HS3ST5: variants seen among roughly 807,000 people sequenced by gnomAD.
The protein encoded by HS3ST5 is heparan sulfate glucosamine 3-O-sulfotransferase 5.
In HS3ST5, 10 loss-of-function variants were observed where a neutral mutation model predicts 25.4. The ratio of observed to expected loss-of-function variants is 0.39; its 90% confidence interval spans 0.24 to 0.67. The LOEUF (loss-of-function observed/expected upper bound fraction) is 0.67. HS3ST5 is among the 30% of genes least tolerant of loss of function. The pLI, the probability that HS3ST5 is intolerant of heterozygous loss-of-function variation, is 0.44. For missense variants in HS3ST5, 324 were observed against 420.7 expected (o/e 0.77, Z 2.01); for synonymous variants, 170 against 162.4 (o/e 1.05, Z -0.36).
At chr6:114,121,287 T>C (rs1252086636) in intron 3 of HS3ST5, among the ~76,000 whole-genome samples, 1 of 152,178 alleles carries the variant, frequency 6.6e-6, no homozygotes, top group Non-Finnish European at 1.5e-5. Context: ...TTCTGTGATA[T>C]TGCTCACTCC....
chr6:114,323,840 C>T (rs1776066213), intron 1 of HS3ST5, among the ~76,000 whole-genome samples: 2 of 152,038 alleles, frequency 1.3e-5, no homozygotes, highest in Admixed American at 6.6e-5. Context: ...CAGGGTGTTT[C>T]GAAGATTCTC....
intron 1 of HS3ST5, among the ~76,000 whole-genome samples, chr6:114,284,323 T>C (rs1417767657): frequency 6.6e-6 from 1 of 152,070 alleles, no homozygotes; most frequent in Non-Finnish European, 1.5e-5. Context: ...ACCAAGAATG[T>C]ATTTTTGTGC....
intron 1 of HS3ST5, among the ~76,000 whole-genome samples, chr6:114,247,078 C>G (rs765252687): frequency 9.2e-5 from 14 of 152,190 alleles, no homozygotes; most frequent in Non-Finnish European, 1.8e-4. Flanking sequence ...TTTTGTAATG[C>G]CACTTAATGT....
chr6:114,137,895 G>T (rs1417333136), intron 3 of HS3ST5, among the ~76,000 whole-genome samples: 1 of 152,124 alleles, frequency 6.6e-6, no homozygotes, highest in Non-Finnish European at 1.5e-5. Context: ...AATTAAAGGA[G>T]TTTTCAGACT....
At chr6:114,300,861 C>T (rs1775043870) in intron 1 of HS3ST5, among the ~76,000 whole-genome samples, 1 of 152,014 alleles carries the variant, frequency 6.6e-6, no homozygotes, top group Non-Finnish European at 1.5e-5. Context: ...CAAGGGTGAA[C>T]CTTGAAACAT....
At chr6:114,173,638 C>T (rs961231799) in intron 2 of HS3ST5, among the ~76,000 whole-genome samples, 14 of 152,268 alleles carry the variant, frequency 9.2e-5, no homozygotes, top group Admixed American at 9.2e-4. Flanking sequence ...GCAGGTGGAT[C>T]ATCTGAGGTC....
Position 114,255,352 on chromosome 6 carries a change from C to CT in HS3ST5, c.-338-26575dup, listed in dbSNP as rs540732468. Among the ~76,000 whole-genome samples the CT allele has an allele frequency of 5.3e-5, 8 of 152,286 alleles. No individual in the cohort carries two copies. The South Asian group carries it at 1.7e-3, about 32-fold the overall frequency. On this transcript the variant is annotated intron_variant, in intron 1 of 4. Transcript: ENST00000312719. ...TGTGGCTTTGCAGGGTGCAGCCTCC[C>CT]TCCAGGCTGCTTTCATGGCCTGCAG...
At chr6:114,341,533 C>A (rs1215922078) in intron 1 of HS3ST5, among the ~76,000 whole-genome samples, 9 of 151,922 alleles carry the variant, frequency 5.9e-5, no homozygotes, top group Non-Finnish European at 1.3e-4. Context: ...GTAGCGACAG[C>A]GACCTCTCAG....
chr6:114,287,565 T>G (rs565257311), intron 1 of HS3ST5, among the ~76,000 whole-genome samples: 1 of 152,224 alleles, frequency 6.6e-6, no homozygotes, highest in African/African-American at 2.4e-5. Context: ...TACAAATATC[T>G]TCTGACATTG....
intron 3 of HS3ST5, chr6:114,084,642 C>T: frequency 3.3e-6 from 3 of 901,176 alleles, no homozygotes; most frequent in Non-Finnish European, 5.5e-6. Context: ...ACATAAGATG[C>T]CTTAATGAGA....
At chr6:114,063,514 G>GAAA (rs369347111) in intron 3 of HS3ST5, among the ~76,000 whole-genome samples, 4 of 98,498 alleles carry the variant, frequency 4.1e-5, no homozygotes, top group Admixed American at 1.2e-4. Context: ...ACCTGTCTCA[G>GAAA]AAAAAAAAAA....
At chr6:114,252,917 C>T (rs1490643275) in intron 1 of HS3ST5, among the ~76,000 whole-genome samples, 1 of 151,990 alleles carries the variant, frequency 6.6e-6, no homozygotes, top group Non-Finnish European at 1.5e-5. Flanking sequence ...AAACAGGTAG[C>T]TGGGCATGAT....
intron 1 of HS3ST5, among the ~76,000 whole-genome samples, chr6:114,252,480 G>A (rs1440540119): frequency 6.6e-6 from 1 of 152,204 alleles, no homozygotes; most frequent in Non-Finnish European, 1.5e-5. Flanking sequence ...CTGAACATCT[G>A]TGGAGGGGGA....
intron 1 of HS3ST5, among the ~76,000 whole-genome samples, chr6:114,309,674 A>G (rs1299057334): frequency 1.3e-5 from 2 of 152,214 alleles, no homozygotes; most frequent in African/African-American, 4.8e-5. Flanking sequence ...CGGAGGTTGC[A>G]GTGAGCCAAG....
chr6:114,124,880 A>G (rs1391629574), intron 3 of HS3ST5, among the ~76,000 whole-genome samples: 2 of 152,206 alleles, frequency 1.3e-5, no homozygotes, highest in Non-Finnish European at 2.9e-5. Context: ...AAAATATTCT[A>G]TAAAATGAGC....
intron 2 of HS3ST5, among the ~76,000 whole-genome samples, chr6:114,190,872 A>G (rs928008677): frequency 3.3e-5 from 5 of 152,200 alleles, no homozygotes; most frequent in Non-Finnish European, 7.3e-5. Flanking sequence ...CCAGACTCCA[A>G]CAATGACAAG....
At chr6:114,209,577 A>C (rs1781426565) in intron 2 of HS3ST5, among the ~76,000 whole-genome samples, 1 of 152,200 alleles carries the variant, frequency 6.6e-6, no homozygotes, top group African/African-American at 2.4e-5. Flanking sequence ...TATTTTAATA[A>C]AAAGAAAGCC....
intron 1 of HS3ST5, among the ~76,000 whole-genome samples, chr6:114,282,340 T>C (rs1038629972): frequency 3.9e-5 from 6 of 152,006 alleles, no homozygotes; most frequent in Non-Finnish European, 5.9e-5. Context: ...ATTCTTGCCA[T>C]ATGCCAAGGG....
intron 3 of HS3ST5, among the ~76,000 whole-genome samples, chr6:114,092,598 A>C (rs1775178074): frequency 6.6e-6 from 1 of 152,234 alleles, no homozygotes; most frequent in South Asian, 2.1e-4. Context: ...AATAGAAATA[A>C]AAATAAAATG....
Sources: allele counts gnomAD v4.1 joint callset (sites outside exome capture counted in the v4.1 genomes callset), GRCh38; gene constraint gnomAD v4.1.1; transcripts MANE v1.5; gene names NCBI Gene and HGNC (gene_info 2026-07-23, HGNC 2026-07-21).